The following TRIP12 variants were observed in gnomAD, a reference collection of about 807,000 sequenced individuals.
TRIP12 encodes the protein thyroid hormone receptor interactor 12, also known as E3 ubiquitin-protein ligase TRIP12.
A neutral mutation model predicts 244.2 loss-of-function variants in TRIP12; 25 were observed. The ratio of observed to expected loss-of-function variants is 0.10; its 90% CI spans 0.07 to 0.14. The LOEUF (loss-of-function observed/expected upper bound fraction) is 0.14. Among genes scored for constraint, TRIP12 ranks in the 10% least tolerant of loss-of-function variants. The probability of loss-of-function intolerance (pLI) is 1.00; values close to 1 mark genes in which losing one functional copy is unlikely to be tolerated. For missense variants in TRIP12, 1,677 were observed against 2,486.4 expected, an observed-to-expected ratio of 0.67 and a Z score of 6.92; for synonymous variants, 905 against 873.1, an observed-to-expected ratio of 1.04 and a Z score of -0.64.
rs551262224 is a variant in TRIP12, at chr2:229,890,140, C to T, written c.-49-10012G>A. On this transcript the variant is annotated intron_variant, in intron 1 of 41. Coordinates refer to ENST00000675903, the MANE Select transcript of TRIP12 (RefSeq NM_001348323.3). ...TGTCGCCCAGGCTGGAGTGCAATGG[C>T]GCAGTCTAGGCTCACTGCAACCTCC... is the stretch of plus-strand genomic sequence containing the variant. Among the ~76,000 whole-genome samples the T allele has an allele frequency of 1.0e-4, 15 of 147,154 alleles. No individual in the cohort carries two copies. The South Asian group carries it at 2.1e-3, about 21-fold the overall frequency.
intron 1 of TRIP12, among the ~76,000 whole-genome samples, chr2:229,888,836 T>C (rs1391135116): frequency 1.3e-5 from 2 of 151,710 alleles, no homozygotes. Context: ...TTGAGAGCTA[T>C]TTCTAGAAAT....
Position 229,818,357 on chromosome 2 carries a change from T to C in TRIP12, c.1599+7A>G, listed in dbSNP as rs896368519. The C allele has an allele frequency of 1.2e-6, 2 of 1,613,382 alleles. No individual in the cohort carries two copies. The highest frequency in any genetic ancestry group is 1.7e-6 in the Non-Finnish European group (2 of 1,179,748). On this transcript the variant is annotated splice_region_variant and intron_variant, in intron 9 of 41. Coordinates refer to ENST00000675903, the MANE Select transcript of TRIP12 (RefSeq NM_001348323.3). ...AGGTAAAAACGAGGGAAAAACATTA[T>C]GCTTACCAAAGCTGGAACAACACTC... is the stretch of plus-strand genomic sequence containing the variant.
At chr2:229,914,320 G>A (rs1221101783) in intron 1 of TRIP12, among the ~76,000 whole-genome samples, 1 of 152,180 alleles carries the variant, frequency 6.6e-6, no homozygotes, top group South Asian at 2.1e-4. Context: ...TGTTCAGAGA[G>A]GAAGAAACAG....
In TRIP12 at chr2:229,854,319, T is replaced by C. The variant is rs540360875; in HGVS notation, c.1027+4453A>G. ...GGAAATAAAAAAACTTTAAATCTGG[T>C]GTTCCAAATCTAATAGCTACCTTAA... On this transcript the variant is annotated intron_variant, in intron 4 of 41. Coordinates refer to ENST00000675903, the MANE Select transcript of TRIP12 (RefSeq NM_001348323.3). Among the ~76,000 whole-genome samples, 24 of 152,342 alleles carry C rather than the reference T, an allele frequency of 1.6e-4. No individual in the cohort carries two copies. The South Asian group carries it at 4.1e-3, about 26-fold the overall frequency.
Position 229,789,719 on chromosome 2 carries a change from G to C in TRIP12, c.4587C>G (p.Leu1529=). 6.2e-7 allele frequency: 1 copy of C among 1,614,068 alleles called. No individual in the cohort carries two copies. Among genetic ancestry groups the C allele is most frequent in the Non-Finnish European group, 8.5e-7 (1 of 1,179,988 alleles). The change falls in exon 31 of 42, where the codon CTC becomes CTG. Residue 1529 remains leucine, a synonymous_variant. Transcript: ENST00000675903. ...PSVSNPLEVY[L]IPTPPENITF... ...TTATATTTTCAGGTGGTGTGGGAAT[G>C]AGGTAAACTTCTAAAGGATTTGATA...
intron 2 of TRIP12, among the ~76,000 whole-genome samples, chr2:229,865,743 G>T (rs933751041): frequency 6.6e-6 from 1 of 152,160 alleles, no homozygotes; most frequent in Non-Finnish European, 1.5e-5. Context: ...TGTTTTAAAA[G>T]AGCCATTGAT....
At chr2:229,866,155 G>T (rs1056219664) in intron 2 of TRIP12, among the ~76,000 whole-genome samples, 4 of 152,182 alleles carry the variant, frequency 2.6e-5, no homozygotes, top group Non-Finnish European at 1.5e-5. Flanking sequence ...GTGTGGCAGT[G>T]ACATAGGTGA....
chr2:229,864,043 AGAGAGTGTGT>A (rs1394442769), intron 2 of TRIP12, among the ~76,000 whole-genome samples: 42 of 72,116 alleles, frequency 5.8e-4, no homozygotes, highest in African/African-American at 1.0e-3. Context: ...AGAGAGAGAG[AGAGAGTGTGT>A]GTGTGTGTGT....
chr2:229,839,366 C>T (rs765234327), intron 5 of TRIP12, among the ~76,000 whole-genome samples: 151 of 152,128 alleles, frequency 9.9e-4, no homozygotes, highest in Non-Finnish European at 1.7e-3. Context: ...TATCTCAGAA[C>T]GTGTCCTCCT....
At chr2:229,890,224 C>T (rs1351449197) in intron 1 of TRIP12, among the ~76,000 whole-genome samples, 2 of 152,048 alleles carry the variant, frequency 1.3e-5, no homozygotes, top group East Asian at 3.9e-4. Flanking sequence ...GGACTACAGG[C>T]ACGCACCACC....
chr2:229,845,888 G>A (rs1045536725), intron 4 of TRIP12, among the ~76,000 whole-genome samples: 2 of 151,818 alleles, frequency 1.3e-5, no homozygotes, highest in South Asian at 2.1e-4. Context: ...TTAGCTGGGT[G>A]CGGTGACACA....
chr2:229,914,678 G>T (rs2075035562), intron 1 of TRIP12, among the ~76,000 whole-genome samples: 1 of 152,118 alleles, frequency 6.6e-6, no homozygotes, highest in Admixed American at 6.6e-5. Context: ...TCAGAGCACT[G>T]CCCACGGCTA....
chr2:229,876,462 T>C (rs527500230), intron 2 of TRIP12, among the ~76,000 whole-genome samples: 1 of 152,300 alleles, frequency 6.6e-6, no homozygotes, highest in African/African-American at 2.4e-5. Flanking sequence ...TGGCTAAAGC[T>C]CTAAATTTCT....
intron 22 of TRIP12, 63 bp from the exon 23 acceptor site, chr2:229,799,112 T>TAAA: frequency 6.3e-7 from 1 of 1,585,430 alleles, no homozygotes; most frequent in Non-Finnish European, 8.6e-7. Flanking sequence ...AAACAACTGA[T>TAAA]TTTTAAGATT....
chr2:229,901,573 A>C (rs1289588969), intron 1 of TRIP12, among the ~76,000 whole-genome samples: 1 of 150,286 alleles, frequency 6.7e-6, no homozygotes, highest in African/African-American at 2.4e-5. Flanking sequence ...CAGTGAGCCG[A>C]GATTGCACCA....
intron 2 of TRIP12, among the ~76,000 whole-genome samples, chr2:229,866,659 A>G (rs150194149): frequency 3.3e-5 from 5 of 152,340 alleles, no homozygotes; most frequent in African/African-American, 7.2e-5. Context: ...GTTTGCCACC[A>G]ACAAATATAT....
intron 1 of TRIP12, among the ~76,000 whole-genome samples, chr2:229,888,098 A>G (rs1232150830): frequency 6.6e-6 from 1 of 152,204 alleles, no homozygotes. Flanking sequence ...TGCTATTTAC[A>G]TTCTATAGTT....
chr2:229,919,284 C>T (rs557225616), intron 1 of TRIP12, among the ~76,000 whole-genome samples: 197 of 152,126 alleles, frequency 1.3e-3, no homozygotes, highest in Non-Finnish European at 2.1e-3. Context: ...GGCGTGGTGG[C>T]GCGTGCCTGT....
chr2:229,834,524 C>T (rs1167707114), intron 6 of TRIP12, among the ~76,000 whole-genome samples: 2 of 152,144 alleles, frequency 1.3e-5, no homozygotes, highest in African/African-American at 4.8e-5. Flanking sequence ...CTTTGGGAGG[C>T]CAAGGTGGGC....
Sources: allele counts gnomAD v4.1 joint callset (sites outside exome capture counted in the v4.1 genomes callset), GRCh38; gene constraint gnomAD v4.1.1; transcripts MANE v1.5; gene names NCBI Gene and HGNC (gene_info 2026-07-23, HGNC 2026-07-21).